UBA6: variants seen among roughly 807,000 people sequenced by gnomAD.
The protein encoded by UBA6 is ubiquitin-like modifier-activating enzyme 6.
In UBA6, 87 loss-of-function variants were observed where a neutral mutation model predicts 148.3. The observed-to-expected ratio is 0.59, with a 90% CI of 0.49 to 0.70. The LOEUF (loss-of-function observed/expected upper bound fraction) is 0.70. Among genes scored for constraint, UBA6 ranks in the 30% least tolerant of loss-of-function variants. The probability of loss-of-function intolerance (pLI) is 0.00; values close to 1 mark genes in which losing one functional copy is unlikely to be tolerated. For synonymous variants in UBA6, 376 were observed against 401.0 expected, an observed-to-expected ratio of 0.94 and a Z score of 0.75; for missense variants, 1,186 against 1,241.2, an observed-to-expected ratio of 0.96 and a Z score of 0.67.
intron 23 of UBA6, among the ~76,000 whole-genome samples, chr4:67,632,375 G>A (rs1179166723): frequency 1.3e-5 from 2 of 152,116 alleles, no homozygotes; most frequent in African/African-American, 4.8e-5. Context: ...GATGAAACAA[G>A]ATTTATCTAT....
At chr4:67,662,865 C>A in intron 12 of UBA6, 1 of 289,658 alleles carries the variant, frequency 3.5e-6, no homozygotes, top group Non-Finnish European at 6.4e-6. Flanking sequence ...GTTAATAATT[C>A]AGTAATTCTC....
intron 6 of UBA6, among the ~76,000 whole-genome samples, chr4:67,675,894 C>T (rs1018868027): frequency 6.6e-6 from 1 of 152,080 alleles, no homozygotes; most frequent in Non-Finnish European, 1.5e-5. Flanking sequence ...GTACTGTGAA[C>T]TCAAAGGGAC....
At position 67,649,190 on chromosome 4, in the gene UBA6, C is replaced by T. The variant is rs767865873; in HGVS notation, c.1126G>A (p.Val376Met). 4 of 1,611,410 alleles carry T rather than the reference C, an allele frequency of 2.5e-6. No individual in the cohort carries two copies. The Admixed American group carries it at 6.7e-5, about 27-fold the overall frequency. ...TGGGCAGTCCAAGAGAGCCAATGCA[C>T]AATGTCAGCATTTACATCAGGCTAA... ...EEKPDVNADI[V>M]HWLSWTAQGF... Residue 376 changes from valine to methionine, a missense_variant, in exon 14 of 33, where the codon GTG becomes ATG. Val to Met is a conservative substitution (Grantham distance 21, BLOSUM62 1). Transcript: ENST00000322244.
chr4:67,629,295 C>T (rs1272634701), intron 26 of UBA6, among the ~76,000 whole-genome samples, 153 bp from the exon 27 acceptor site: 5 of 151,774 alleles, frequency 3.3e-5, no homozygotes, highest in Non-Finnish European at 3.0e-5. Flanking sequence ...ATCTTTATTT[C>T]TATAAAAATA....
At chr4:67,663,280 A>G (rs1577820675) in intron 11 of UBA6, 65 bp from the exon 12 acceptor site, 1 of 993,916 alleles carries the variant, frequency 1.0e-6, no homozygotes, top group Non-Finnish European at 1.5e-6. Flanking sequence ...GCACTGGGCT[A>G]AATACTTTTA....
rs563503899 is a variant in UBA6 at position 67,694,536 on chromosome 4, C to T, written c.134+2109G>A. The stretch of plus-strand genomic sequence containing the variant: ...CCTCCCGACTAGCTGGGATTACAGG[C>T]GCCCGCCACCGCCACCACACCCGGC... On this transcript the variant is annotated intron_variant, in intron 2 of 32. Transcript: ENST00000322244. Among the ~76,000 whole-genome samples the T allele has an allele frequency of 9.5e-5, 14 of 147,178 alleles. No individual in the cohort carries two copies. In the South Asian group the frequency reaches 2.3e-3, roughly 24 times the overall value.
intron 22 of UBA6, among the ~76,000 whole-genome samples, chr4:67,633,816 G>T (rs936616701): frequency 3.7e-4 from 56 of 152,176 alleles, no homozygotes; most frequent in African/African-American, 1.3e-3. Context: ...GTTAGCAAAA[G>T]ATTAAAAGAA....
chr4:67,661,918 T>TA (rs1004730734), intron 13 of UBA6: 14 of 427,070 alleles, frequency 3.3e-5, no homozygotes, highest in Non-Finnish European at 5.3e-5. Context: ...TAGTAACAGT[T>TA]AAAAAAATAG....
At position 67,681,572 on chromosome 4, in the gene UBA6, TGCAAGAACAAGATTCTTTGCTA is replaced by T; in HGVS notation, c.230-3_248del. 1 of 1,579,108 alleles carries T rather than the reference TGCAAGAACAAGATTCTTTGCTA, an allele frequency of 6.3e-7. No homozygotes were observed. Among genetic ancestry groups the T allele is most frequent in the Non-Finnish European group, 8.6e-7 (1 of 1,168,604 alleles). On this transcript the variant is annotated splice_acceptor_variant and splice_polypyrimidine_tract_variant and coding_sequence_variant and intron_variant, in exon 4 of 33. Coordinates refer to ENST00000322244, the MANE Select transcript of UBA6 (RefSeq NM_018227.6). LOFTEE classifies it high-confidence loss of function. ...GAGGACATTTACTTACCTTAATCCC[TGCAAGAACAAGATTCTTTGCTA>T]GAAAGGCAAAAGAAAAAGGAATAGC...
chr4:67,635,491 C>T lies in UBA6; in HGVS notation c.1804G>A (p.Val602Ile). The stretch of plus-strand genomic sequence containing the variant: ...GACTCAGTCAAATGCGGTACAATAA[C>T]TTCAGTGTGTCCCTTAGTGCCCATT... ...GTMGTKGHTEVIVPHLTESYN... is the reference protein window; with the variant it reads ...GTMGTKGHTEIIVPHLTESYN... The change falls in exon 20 of 33, where the codon GTT (valine) becomes ATT (isoleucine). Residue 602 changes from valine to isoleucine, a missense_variant. By Grantham distance (29) the Val-to-Ile change is conservative (BLOSUM62 3). Transcript: ENST00000322244. The T allele has an allele frequency of 1.2e-6, 2 of 1,612,012 alleles. No homozygotes were observed. Among genetic ancestry groups the T allele is most frequent in the South Asian group, 1.1e-5 (1 of 90,992 alleles).
intron 2 of UBA6, 115 bp downstream of exon 2, chr4:67,696,530 C>G: frequency 1.4e-6 from 1 of 719,970 alleles, no homozygotes; most frequent in Non-Finnish European, 2.3e-6. Context: ...CACACACACA[C>G]ACACACACAC....
chr4:67,619,189 A>G, intron 32 of UBA6, 57 bp from the exon 33 acceptor site: 3 of 1,376,596 alleles, frequency 2.2e-6, no homozygotes, highest in Middle Eastern at 1.9e-4. Context: ...TGAAAAAATG[A>G]TTTGCTGACT....
At chr4:67,697,530 A>C (rs2109963643) in intron 1 of UBA6, among the ~76,000 whole-genome samples, 1 of 152,346 alleles carries the variant, frequency 6.6e-6, no homozygotes, top group South Asian at 2.1e-4. Flanking sequence ...TCACAAACAT[A>C]ACAAACTCCA....
At chr4:67,664,259 G>A (rs1316452177) in intron 10 of UBA6, among the ~76,000 whole-genome samples, 2 of 151,662 alleles carry the variant, frequency 1.3e-5, no homozygotes, top group East Asian at 3.9e-4. Flanking sequence ...TATAATACCA[G>A]GTTGTCAAGA....
intron 19 of UBA6, among the ~76,000 whole-genome samples, chr4:67,637,090 G>T (rs1729170950): frequency 2.0e-5 from 3 of 151,716 alleles, no homozygotes; most frequent in African/African-American, 7.3e-5. Flanking sequence ...CGCCCCGTCT[G>T]AGAAGTGAGG....
intron 19 of UBA6, 109 bp downstream of exon 19, chr4:67,638,834 G>A (rs1185833814): frequency 2.6e-6 from 2 of 761,140 alleles, no homozygotes; most frequent in Middle Eastern, 4.0e-4. Flanking sequence ...TACTACAATA[G>A]GAACATAAGG....
intron 10 of UBA6, among the ~76,000 whole-genome samples, chr4:67,664,640 T>C (rs2109934651): frequency 6.6e-6 from 1 of 152,236 alleles, no homozygotes; most frequent in East Asian, 1.9e-4. Context: ...ACATTCTCTA[T>C]ATTCAGCTAT....
chr4:67,678,414 T>G (rs991547809), intron 5 of UBA6, 25 bp downstream of exon 5: 2 of 1,430,274 alleles, frequency 1.4e-6, no homozygotes, highest in Admixed American at 2.0e-5. Flanking sequence ...AAAAAACTCA[T>G]GATAATACAT....
Position 67,622,819 on chromosome 4 carries a change from T to C in UBA6, c.3023+12A>G, listed in dbSNP as rs1357945384. ...TTCTTGTTAATCGCTGCATATAATG[T>C]TGAATACTTACGTTAACTTCAATCT... On this transcript the variant is annotated intron_variant, in intron 32 of 32. Transcript: ENST00000322244. 5 of 1,588,686 alleles carry C rather than the reference T, an allele frequency of 3.1e-6. No homozygotes were observed. Among genetic ancestry groups the C allele is most frequent in the Admixed American group, 3.6e-5 (2 of 55,962 alleles).
Sources: gnomAD v4.1 joint callset for allele counts (sites outside exome capture counted in the v4.1 genomes callset) on GRCh38, gnomAD v4.1.1 for gene constraint, MANE v1.5 for transcripts, NCBI Gene and HGNC (gene_info 2026-07-23, HGNC 2026-07-21) for gene names.